The following PPM1A variants were observed in gnomAD, a reference collection of about 807,000 sequenced individuals.
PPM1A encodes protein phosphatase, Mg2+/Mn2+ dependent 1A.
PPM1A carries 7 observed loss-of-function variants against 35.0 expected under a neutral mutation model. That is an observed-to-expected ratio of 0.20 (90% CI 0.11 to 0.38). PPM1A has a LOEUF of 0.38. Ranked by LOEUF, PPM1A falls within the 10% of genes least tolerant of loss-of-function variation. The probability of loss-of-function intolerance (pLI) is 1.00; values close to 1 mark genes in which losing one functional copy is unlikely to be tolerated. For synonymous variants in PPM1A, 153 were observed against 167.3 expected, an observed-to-expected ratio of 0.91 and a Z score of 0.66; for missense variants, 239 against 467.8, an observed-to-expected ratio of 0.51 and a Z score of 4.51.
chr14:60,262,895 A>G (rs144891294), intron 1 of PPM1A, among the ~76,000 whole-genome samples: 1 of 152,268 alleles, frequency 6.6e-6, no homozygotes, highest in African/African-American at 2.4e-5. Flanking sequence ...AAACTTTACT[A>G]CTACCTTAGC....
At chr14:60,271,189 G>A (rs1469787936) in intron 1 of PPM1A, among the ~76,000 whole-genome samples, 1 of 152,140 alleles carries the variant, frequency 6.6e-6, no homozygotes, top group Non-Finnish European at 1.5e-5. Context: ...TCAAATCTGT[G>A]TCTGCTCTGT....
intron 3 of PPM1A, chr14:60,286,515 G>C (rs1887027496): frequency 1.0e-6 from 1 of 984,882 alleles, no homozygotes; most frequent in African/African-American, 1.8e-5. Flanking sequence ...GGTGAGCTGA[G>C]GTAGAAAAAA....
At chr14:60,285,504 C>A in intron 2 of PPM1A, 120 bp from the exon 3 acceptor site, 1 of 1,085,454 alleles carries the variant, frequency 9.2e-7, no homozygotes, top group Non-Finnish European at 1.3e-6. Context: ...ATTTTTTTCT[C>A]CCTGAAAGTA....
chr14:60,265,869 C>T (rs1884314286), intron 1 of PPM1A, among the ~76,000 whole-genome samples: 1 of 152,174 alleles, frequency 6.6e-6, no homozygotes, highest in Non-Finnish European at 1.5e-5. Flanking sequence ...CCTTCATCAC[C>T]CAGTTACTTT....
Position 60,249,375 on chromosome 14 carries a change from T to G in PPM1A, c.-323T>G, listed in dbSNP as rs1291440479. Reference sequence around the variant, plus strand: ...GTTGGGGAGGGGGGGGTGGGGGGACTCTAGACAGCTGAGGCGCGAAAGCGA... The same window carrying G: ...GTTGGGGAGGGGGGGGTGGGGGGACGCTAGACAGCTGAGGCGCGAAAGCGA... On this transcript the variant is annotated 5_prime_UTR_variant, in exon 1 of 6. Transcript: ENST00000395076. The surrounding 1 kb of genome is among the most constrained non-coding windows in gnomAD (Gnocchi z 4.5). 1 of 983,728 alleles carries G rather than the reference T, an allele frequency of 1.0e-6. No homozygotes were observed. The highest frequency in any genetic ancestry group is 1.2e-6 in the Non-Finnish European group (1 of 829,416). 60.9% of individuals were successfully genotyped at this position (983,728 alleles called of 1,614,324 possible). A position where few individuals can be genotyped will look rare whatever the true frequency, so the allele number is the denominator to read the frequency against.
chr14:60,268,890 A>C (rs146898527), intron 1 of PPM1A, among the ~76,000 whole-genome samples: 1 of 150,992 alleles, frequency 6.6e-6, no homozygotes, highest in East Asian at 1.9e-4. Flanking sequence ...CACATTATCA[A>C]TATCTACTAT....
At chr14:60,267,476 T>C (rs1001220641) in intron 1 of PPM1A, among the ~76,000 whole-genome samples, 1 of 152,094 alleles carries the variant, frequency 6.6e-6, no homozygotes, top group Non-Finnish European at 1.5e-5. Context: ...TTACTGACTT[T>C]TTGGCATCTG....
chr14:60,290,033 C>A, intron 4 of PPM1A, 119 bp downstream of exon 4: 2 of 654,174 alleles, frequency 3.1e-6, no homozygotes, highest in Non-Finnish European at 4.9e-6. Context: ...GTGTTTTAAC[C>A]TGTGATTTCA....
chr14:60,266,512 T>C (rs1314037426), intron 1 of PPM1A, among the ~76,000 whole-genome samples: 7 of 152,188 alleles, frequency 4.6e-5, no homozygotes, highest in African/African-American at 9.7e-5. Context: ...GACTTCAATC[T>C]TTAATCTCTT....
At chr14:60,249,032 T>C (rs1881987812), upstream of PPM1A, among the ~76,000 whole-genome samples, 1 of 152,032 alleles carries the variant, frequency 6.6e-6, no homozygotes, top group Admixed American at 6.5e-5. This position sits in a 1 kb window ranked among gnomAD's most constrained non-coding sequence, Gnocchi z 4.5. Flanking sequence ...GGTAAGGCAG[T>C]GACGTCATCT....
Position 60,249,589 on chromosome 14 carries a change from C to CCGCCGT in PPM1A, c.-103_-98dup, listed in dbSNP as rs1882075766. ...GCAGCGGTGACCCCTCCCCCGGCTG[C>CCGCCGT]CGCCGTCGCCGCCGCGGTGACCCCC... On this transcript the variant is annotated 5_prime_UTR_variant, in exon 1 of 6. Coordinates refer to ENST00000395076, the MANE Select transcript of PPM1A (RefSeq NM_021003.5). This position sits in a 1 kb window ranked among gnomAD's most constrained non-coding sequence, Gnocchi z 4.5. 1.0e-6 allele frequency: 1 copy of CCGCCGT among 986,868 alleles called. No individual in the cohort carries two copies. The highest frequency in any genetic ancestry group is 1.2e-6 in the Non-Finnish European group (1 of 831,424). 61.1% of individuals were successfully genotyped at this position (986,868 alleles called of 1,614,324 possible).
At chr14:60,250,879 C>G (rs1882322929) in intron 1 of PPM1A, among the ~76,000 whole-genome samples, 2 of 152,340 alleles carry the variant, frequency 1.3e-5, no homozygotes, top group African/African-American at 4.8e-5. Flanking sequence ...GTCCCCAACT[C>G]TCTTTGAAAC....
chr14:60,248,891 C>T (rs555509425), upstream of PPM1A: 4 of 152,524 alleles, frequency 2.6e-5, no homozygotes, highest in Admixed American at 2.0e-4. Context: ...CTGTCCAGTC[C>T]CTGGCGCCGG....
intron 1 of PPM1A, among the ~76,000 whole-genome samples, chr14:60,270,895 A>G (rs1179530683): frequency 6.6e-6 from 1 of 152,188 alleles, no homozygotes; most frequent in Non-Finnish European, 1.5e-5. Flanking sequence ...TTCTTTCCCA[A>G]CAGAAGAACT....
At chr14:60,250,285 GT>G (rs955026718) in intron 1 of PPM1A, 1 of 255,888 alleles carries the variant, frequency 3.9e-6, no homozygotes, top group Non-Finnish European at 6.1e-6. Context: ...ATCCATTGAA[GT>G]AAATTCCGAT....
upstream of PPM1A, among the ~76,000 whole-genome samples, chr14:60,248,253 T>C (rs1254875799): frequency 6.6e-6 from 1 of 152,228 alleles, no homozygotes; most frequent in Non-Finnish European, 1.5e-5. Context: ...AGCTCATCTC[T>C]ACCTCTTAAT....
intron 1 of PPM1A, among the ~76,000 whole-genome samples, chr14:60,272,390 G>A (rs1885233180): frequency 6.6e-6 from 1 of 150,838 alleles, no homozygotes; most frequent in Non-Finnish European, 1.5e-5. Flanking sequence ...GAGTGTTGGG[G>A]GGATGAGGGT....
chr14:60,287,069 G>A (rs1887096394), intron 3 of PPM1A: 1 of 948,494 alleles, frequency 1.1e-6, no homozygotes, highest in Non-Finnish European at 1.3e-6. Flanking sequence ...TTAATGTATT[G>A]GCACTTTAAC....
At chr14:60,252,643 G>C (rs1315628345) in intron 1 of PPM1A, among the ~76,000 whole-genome samples, 1 of 152,136 alleles carries the variant, frequency 6.6e-6, no homozygotes, top group Non-Finnish European at 1.5e-5. Context: ...AAATTAAGTT[G>C]TGTTTGTTAT....
Sources: gnomAD v4.1 joint callset for allele counts (sites outside exome capture counted in the v4.1 genomes callset) on GRCh38, gnomAD v4.1.1 for gene constraint, Gnocchi (gnomAD v3.1) non-coding constraint, MANE v1.5 for transcripts, NCBI Gene and HGNC (gene_info 2026-07-23, HGNC 2026-07-21) for gene names.